The following ASIC2 variants were observed in gnomAD, a reference collection of about 807,000 sequenced individuals.
The protein encoded by ASIC2 is acid-sensing ion channel 2.
A neutral mutation model predicts 57.3 loss-of-function variants in ASIC2; 25 were observed. That is an observed-to-expected ratio of 0.44 (90% confidence interval 0.32 to 0.61). The LOEUF (loss-of-function observed/expected upper bound fraction) is 0.61. Ranked by LOEUF, ASIC2 falls within the 20% of genes least tolerant of loss-of-function variation. The pLI is 0.06. For missense variants in ASIC2, 641 were observed against 738.1 expected (o/e 0.87, Z 1.52); for synonymous variants, 319 against 307.5 (o/e 1.04, Z -0.39).
At chr17:33,185,579 GGC>G (rs1433002475) in intron 1 of ASIC2, among the ~76,000 whole-genome samples, 1 of 152,108 alleles carries the variant, frequency 6.6e-6, no homozygotes, top group East Asian at 1.9e-4. Context: ...TAGCTGAGCT[GGC>G]AGTCTTCCTG....
chr17:33,849,651 T>C (rs889450280), intron 1 of ASIC2, among the ~76,000 whole-genome samples: 5 of 151,908 alleles, frequency 3.3e-5, no homozygotes, highest in African/African-American at 1.2e-4. Context: ...TGATTAAGAG[T>C]TAACCAAGTG....
At chr17:33,180,062 T>A (rs544695306) in intron 1 of ASIC2, among the ~76,000 whole-genome samples, 3 of 152,304 alleles carry the variant, frequency 2.0e-5, no homozygotes, top group African/African-American at 7.2e-5. Flanking sequence ...TTAAGAAACC[T>A]AACCTCCCCT....
chr17:33,824,507 A>G (rs1912847612), intron 1 of ASIC2, among the ~76,000 whole-genome samples: 1 of 152,192 alleles, frequency 6.6e-6, no homozygotes, highest in Non-Finnish European at 1.5e-5. Flanking sequence ...CTGATGAGCT[A>G]TTGAATCAGA....
chr17:33,244,673 C>T lies in ASIC2; in HGVS notation c.708+46735G>A, dbSNP rs553216383. 4.6e-5 allele frequency among the ~76,000 whole-genome samples: 7 copies of T among 152,306 alleles called. No individual in the cohort carries two copies. The South Asian group carries it at 1.5e-3, about 32-fold the overall frequency. ...TTGTCCTGGCCACACCTTGCCCCAC[C>T]ACGAGACCCTTGGCTCTTAGAGGAT... is the stretch of plus-strand genomic sequence containing the variant. On this transcript the variant is annotated intron_variant, in intron 1 of 9. Transcript: ENST00000225823.
At chr17:33,315,937 G>A (rs986705956) in intron 1 of ASIC2, among the ~76,000 whole-genome samples, 3 of 152,136 alleles carry the variant, frequency 2.0e-5, no homozygotes, top group Non-Finnish European at 4.4e-5. Context: ...CTCTCACTGA[G>A]CCTTATTTTC....
At chr17:33,098,917 C>T (rs12325998) in intron 2 of ASIC2, among the ~76,000 whole-genome samples, 1 of 150,454 alleles carries the variant, frequency 6.6e-6, no homozygotes, top group Non-Finnish European at 1.5e-5. Flanking sequence ...TATGTATATA[C>T]ACACACACAA....
At chr17:34,009,406 A>G (rs376820598) in intron 1 of ASIC2, among the ~76,000 whole-genome samples, 2 of 152,324 alleles carry the variant, frequency 1.3e-5, no homozygotes, top group East Asian at 3.9e-4. Flanking sequence ...CTGTCAATGT[A>G]AAATACTTAT....
At chr17:33,362,513 A>G (rs1449408393) in intron 1 of ASIC2, among the ~76,000 whole-genome samples, 3 of 152,232 alleles carry the variant, frequency 2.0e-5, no homozygotes, top group Non-Finnish European at 4.4e-5. Context: ...TGTGGGGCAG[A>G]GGCCAGGAGT....
At chr17:33,327,382 C>T (rs1266814708) in intron 1 of ASIC2, among the ~76,000 whole-genome samples, 1 of 152,172 alleles carries the variant, frequency 6.6e-6, no homozygotes, top group African/African-American at 2.4e-5. Context: ...CTAGAGTGCC[C>T]AGCACAGCAT....
chr17:33,865,749 A>T (rs997697876), intron 1 of ASIC2, among the ~76,000 whole-genome samples: 2 of 100,514 alleles, frequency 2.0e-5, no homozygotes, highest in African/African-American at 7.5e-5. Context: ...AGAGTATAAT[A>T]AAAAAAAAAT....
intron 1 of ASIC2, among the ~76,000 whole-genome samples, chr17:34,022,896 T>C (rs1296179957): frequency 4.6e-5 from 7 of 152,194 alleles, no homozygotes; most frequent in Non-Finnish European, 8.8e-5. Flanking sequence ...GGGAGGTGAC[T>C]GGATCATGGG....
intron 1 of ASIC2, among the ~76,000 whole-genome samples, chr17:33,137,067 T>C (rs1377179429): frequency 6.6e-6 from 1 of 152,196 alleles, no homozygotes; most frequent in Non-Finnish European, 1.5e-5. Flanking sequence ...TAGCTAACAT[T>C]TCTAACAGTT....
At chr17:33,907,778 A>G (rs2141957223) in intron 1 of ASIC2, among the ~76,000 whole-genome samples, 1 of 152,302 alleles carries the variant, frequency 6.6e-6, no homozygotes, top group South Asian at 2.1e-4. Flanking sequence ...GCGCTTTCAC[A>G]ATATGCTCTA....
chr17:34,044,744 A>G (rs1201751891), intron 1 of ASIC2, among the ~76,000 whole-genome samples: 1 of 152,194 alleles, frequency 6.6e-6, no homozygotes, highest in African/African-American at 2.4e-5. Flanking sequence ...GGATGAGTCC[A>G]GGAGCCCTGG....
At chr17:33,664,729 A>C (rs1364113469) in intron 1 of ASIC2, among the ~76,000 whole-genome samples, 1 of 152,194 alleles carries the variant, frequency 6.6e-6, no homozygotes, top group Non-Finnish European at 1.5e-5. Context: ...TGATGGACTC[A>C]GTTCACGTGT....
chr17:33,746,939 A>G (rs1288545800), intron 1 of ASIC2, among the ~76,000 whole-genome samples: 1 of 152,210 alleles, frequency 6.6e-6, no homozygotes, highest in Admixed American at 6.5e-5. Context: ...ACTCTACTGA[A>G]AAATGAATGA....
chr17:33,777,738 C>T (rs1567713083), intron 1 of ASIC2, among the ~76,000 whole-genome samples: 1 of 152,148 alleles, frequency 6.6e-6, no homozygotes, highest in Non-Finnish European at 1.5e-5. Context: ...AAAAAGATTA[C>T]CTGATGCATA....
intron 1 of ASIC2, among the ~76,000 whole-genome samples, chr17:33,514,275 A>G (rs1341893735): frequency 2.0e-5 from 3 of 152,160 alleles, no homozygotes; most frequent in Admixed American, 2.0e-4. Context: ...TTAGCTGTGC[A>G]TGACACAGCA....
intron 1 of ASIC2, among the ~76,000 whole-genome samples, chr17:33,724,696 T>C (rs908192192): frequency 1.3e-5 from 2 of 152,086 alleles, no homozygotes; most frequent in African/African-American, 2.4e-5. Context: ...TGGGAAGTAG[T>C]GGGGAGAAAT....
Sources: gnomAD v4.1 joint callset for allele counts (sites outside exome capture counted in the v4.1 genomes callset) on GRCh38, gnomAD v4.1.1 for gene constraint, MANE v1.5 for transcripts, NCBI Gene and HGNC (gene_info 2026-07-23, HGNC 2026-07-21) for gene names.